The following TANC2 variants were observed in gnomAD, a reference collection of about 807,000 sequenced individuals.
The protein encoded by TANC2 is tetratricopeptide repeat, ankyrin repeat and coiled-coil containing 2.
Under a neutral mutation model 210.5 loss-of-function variants are expected in TANC2, and 26 were observed. The ratio of observed to expected loss-of-function variants is 0.12; its 90% confidence interval spans 0.09 to 0.17. TANC2 has a LOEUF of 0.17. TANC2 is among the 10% of genes least tolerant of loss of function. TANC2 has a pLI of 1.00. For synonymous variants in TANC2, 931 were observed against 967.1 expected (o/e 0.96, Z 0.69); for missense variants, 2,129 against 2,608.9 (o/e 0.82, Z 4.01).
At chr17:63,160,275 C>T (rs532559518) in intron 5 of TANC2, among the ~76,000 whole-genome samples, 9 of 152,298 alleles carry the variant, frequency 5.9e-5, no homozygotes, top group African/African-American at 2.2e-4. Flanking sequence ...CACAGTGGCT[C>T]ATGCCTGTAA....
intron 9 of TANC2, among the ~76,000 whole-genome samples, chr17:63,274,252 A>G (rs967115474): frequency 5.3e-5 from 8 of 152,044 alleles, no homozygotes; most frequent in Non-Finnish European, 1.2e-4. Flanking sequence ...GTTTTGAACA[A>G]CTGTTCTACA....
exon 28 of TANC2, chr17:63,425,455 A>G (rs1329946791): frequency 6.6e-6 from 1 of 152,252 alleles, no homozygotes; most frequent in Non-Finnish European, 1.5e-5. Flanking sequence ...TGTACCCAAT[A>G]GAAAAAATTA....
chr17:63,198,959 T>G (rs1442702062), intron 6 of TANC2, among the ~76,000 whole-genome samples: 1 of 152,172 alleles, frequency 6.6e-6, no homozygotes, highest in Non-Finnish European at 1.5e-5. Flanking sequence ...ATTATTGATA[T>G]GATTGAAAAG....
chr17:63,258,632 C>A (rs1034653287), intron 8 of TANC2, among the ~76,000 whole-genome samples: 1 of 152,148 alleles, frequency 6.6e-6, no homozygotes, highest in Non-Finnish European at 1.5e-5. Flanking sequence ...AGGCCCATGG[C>A]AAGTACTGCC....
At chr17:62,989,013 C>T (rs925828370) in intron 1 of TANC2, among the ~76,000 whole-genome samples, 4 of 152,186 alleles carry the variant, frequency 2.6e-5, no homozygotes, top group East Asian at 1.9e-4. Flanking sequence ...AAGTACTTGA[C>T]GAATATGTTT....
At chr17:63,181,475 G>T (rs1395349676) in intron 5 of TANC2, among the ~76,000 whole-genome samples, 1 of 152,224 alleles carries the variant, frequency 6.6e-6, no homozygotes, top group African/African-American at 2.4e-5. Flanking sequence ...GGAGAAAGTT[G>T]TATTGTCATG....
chr17:63,147,410 A>G (rs2039500203), intron 4 of TANC2, among the ~76,000 whole-genome samples: 1 of 152,210 alleles, frequency 6.6e-6, no homozygotes, highest in African/African-American at 2.4e-5. Context: ...ATACTCTCAC[A>G]GATGAGGCCT....
At chr17:63,024,293 A>G (rs573112059) in intron 2 of TANC2, among the ~76,000 whole-genome samples, 5 of 152,242 alleles carry the variant, frequency 3.3e-5, no homozygotes, top group Admixed American at 6.5e-5. Flanking sequence ...GCTCAATTTT[A>G]TGGTTATTTC....
chr17:63,044,357 T>G (rs1352644783), intron 2 of TANC2, among the ~76,000 whole-genome samples: 2 of 152,180 alleles, frequency 1.3e-5, no homozygotes, highest in Non-Finnish European at 2.9e-5. Flanking sequence ...TAATAGGTGG[T>G]ATCATTTCCT....
chr17:63,117,317 G>C (rs2038290119), intron 4 of TANC2: 1 of 152,170 alleles, frequency 6.6e-6, no homozygotes, highest in African/African-American at 2.4e-5. Context: ...GCGCCACAGA[G>C]AAAAATTGTG....
intron 3 of TANC2, among the ~76,000 whole-genome samples, chr17:63,086,588 A>G (rs990772259): frequency 3.3e-5 from 5 of 152,164 alleles, no homozygotes; most frequent in African/African-American, 1.2e-4. Context: ...CTTGCATGTT[A>G]TCTACTTTTT....
rs148068173 is a variant in TANC2, at chr17:63,382,162, A to C, written c.2691+2336A>C. Among the ~76,000 whole-genome samples the C allele has an allele frequency of 5.9e-3, 894 of 152,310 alleles. 3 individuals are homozygous for C. The highest frequency in any genetic ancestry group is 0.01 in the Non-Finnish European group (692 of 68,008). ...TAGTACAAGTAAAGCTAGTATTCCA[A>C]ATCCAAAGCTATGTATTTCAGGCGT... On this transcript the variant is annotated intron_variant, in intron 15 of 27. Coordinates refer to ENST00000689528, the Ensembl canonical transcript of TANC2.
intron 6 of TANC2, among the ~76,000 whole-genome samples, chr17:63,199,555 G>A (rs1457106730): frequency 6.6e-6 from 1 of 151,406 alleles, no homozygotes; most frequent in Admixed American, 6.6e-5. Flanking sequence ...GGCAGCAGAG[G>A]TTGCAGTGAG....
intron 3 of TANC2, among the ~76,000 whole-genome samples, chr17:63,095,410 A>G (rs1255046340): frequency 6.6e-6 from 1 of 151,196 alleles, no homozygotes; most frequent in Non-Finnish European, 1.5e-5. Context: ...GCTTCAAACA[A>G]CCCTCCTGCC....
chr17:63,282,246 A>G (rs535460909), intron 9 of TANC2, among the ~76,000 whole-genome samples: 4 of 152,114 alleles, frequency 2.6e-5, no homozygotes, highest in Non-Finnish European at 5.9e-5. Context: ...TTGCTTAAGA[A>G]AAATGGGAGA....
intron 8 of TANC2, among the ~76,000 whole-genome samples, chr17:63,267,445 G>GT (rs2043563148): frequency 6.6e-6 from 1 of 151,930 alleles, no homozygotes; most frequent in Admixed American, 6.5e-5. Context: ...TGCTTAGTTT[G>GT]TTTTGCTTTT....
At chr17:63,053,139 TTGAAAG>T (rs2035641978) in intron 2 of TANC2, among the ~76,000 whole-genome samples, 1 of 152,196 alleles carries the variant, frequency 6.6e-6, no homozygotes, top group Non-Finnish European at 1.5e-5. Context: ...CATATAATCT[TTGAAAG>T]TGTTAATTTA....
At chr17:63,095,741 C>A (rs2037363285) in intron 3 of TANC2, among the ~76,000 whole-genome samples, 1 of 151,924 alleles carries the variant, frequency 6.6e-6, no homozygotes, top group Non-Finnish European at 1.5e-5. Flanking sequence ...TCGCTATTTA[C>A]CCAGGAAAAA....
At chr17:63,311,515 T>G (rs2045124060) in intron 9 of TANC2, among the ~76,000 whole-genome samples, 1 of 152,192 alleles carries the variant, frequency 6.6e-6, no homozygotes. Flanking sequence ...ATCCCTCAGT[T>G]TTCTATAGTG....
Sources: gnomAD v4.1 joint callset for allele counts (sites outside exome capture counted in the v4.1 genomes callset) on GRCh38, gnomAD v4.1.1 for gene constraint, MANE v1.5 for transcripts, NCBI Gene and HGNC (gene_info 2026-07-23, HGNC 2026-07-21) for gene names.